The following OSBPL3 variants were observed in gnomAD, a reference collection of about 807,000 sequenced individuals.
OSBPL3 encodes oxysterol binding protein like 3.
OSBPL3 carries 65 observed loss-of-function variants against 120.1 expected under a neutral mutation model. That is an observed-to-expected ratio of 0.54 (90% confidence interval 0.44 to 0.67). The LOEUF is 0.67. Among genes scored for constraint, OSBPL3 ranks in the 30% least tolerant of loss-of-function variants. The pLI is 0.00. For missense variants in OSBPL3, 1,004 were observed against 1,082.1 expected (o/e 0.93, Z 1.01); for synonymous variants, 416 against 402.6 (o/e 1.03, Z -0.40).
chr7:24,923,091 A>G (rs2128452441), intron 1 of OSBPL3, among the ~76,000 whole-genome samples: 1 of 152,326 alleles, frequency 6.6e-6, no homozygotes, highest in East Asian at 1.9e-4. Context: ...AATCTTCCTC[A>G]GTTCAGAACA....
Position 24,896,683 on chromosome 7 carries a change from T to C in OSBPL3, c.-149-4062A>G, listed in dbSNP as rs1397128348. On this transcript the variant is annotated intron_variant, in intron 1 of 22. Coordinates refer to ENST00000313367, the MANE Select transcript of OSBPL3 (RefSeq NM_015550.4). This position sits in a 1 kb window ranked among gnomAD's most constrained non-coding sequence, Gnocchi z 4.4. Reference sequence around the variant, plus strand: ...CTAGGTTTGAATTGGTGTTTCCTTATTACAAACTCTGTGCACCTTGACAAA... The same window carrying C: ...CTAGGTTTGAATTGGTGTTTCCTTACTACAAACTCTGTGCACCTTGACAAA... Among the ~76,000 whole-genome samples the C allele has an allele frequency of 6.6e-6, 1 of 152,206 alleles. No homozygotes were observed. The highest frequency in any genetic ancestry group is 1.5e-5 in the Non-Finnish European group (1 of 68,040).
rs886685141 is a variant in OSBPL3, at chr7:24,827,435, AC to A, written c.1884+3332del. On this transcript the variant is annotated intron_variant, in intron 16 of 22. Coordinates refer to ENST00000313367, the MANE Select transcript of OSBPL3 (RefSeq NM_015550.4). The surrounding 1 kb of genome is among the most constrained non-coding windows in gnomAD (Gnocchi z 5.1). ...CCAGGGAAAGGGAGGCCCTGGCCCT[AC>A]ACCCTTCCCACTTCTAGGGCAGAGG... 2.0e-5 allele frequency among the ~76,000 whole-genome samples: 3 copies of A among 152,224 alleles called. No homozygotes were observed. The highest frequency in any genetic ancestry group is 2.0e-4 in the Admixed American group (3 of 15,290).
chr7:24,955,455 G>A lies in OSBPL3; in HGVS notation c.-150+24431C>T, dbSNP rs1814926458. On this transcript the variant is annotated intron_variant, in intron 1 of 22. Coordinates refer to ENST00000313367, the MANE Select transcript of OSBPL3 (RefSeq NM_015550.4). The surrounding 1 kb of genome is among the most constrained non-coding windows in gnomAD (Gnocchi z 4.3). ...CTGCTCTCACAGAGCTTCCATTCTAGTGATTCTCCCTGGCTGTTCTGTGGA... is the reference window on the plus strand; with the variant it reads ...CTGCTCTCACAGAGCTTCCATTCTAATGATTCTCCCTGGCTGTTCTGTGGA... Among the ~76,000 whole-genome samples the A allele has an allele frequency of 6.6e-6, 1 of 152,220 alleles. No individual in the cohort carries two copies. The highest frequency in any genetic ancestry group is 2.4e-5 in the African/African-American group (1 of 41,466).
At position 24,959,032 on chromosome 7, in the gene OSBPL3, T is replaced by G. The variant is rs912852054; in HGVS notation, c.-150+20854A>C. On this transcript the variant is annotated intron_variant, in intron 1 of 22. Transcript: ENST00000313367. The surrounding 1 kb of genome is among the most constrained non-coding windows in gnomAD (Gnocchi z 4.3). ...AGACTTCTTTTCTATAATCCATGAA[T>G]TGTAAGTTTTAAACATTCACTAGAA... Among the ~76,000 whole-genome samples the G allele has an allele frequency of 1.3e-5, 2 of 152,178 alleles. No individual in the cohort carries two copies. The highest frequency in any genetic ancestry group is 6.5e-5 in the Admixed American group (1 of 15,280).
rs371669375 is a variant in OSBPL3, at chr7:24,978,922, C to T, written c.-150+964G>A. On this transcript the variant is annotated intron_variant, in intron 1 of 22. Transcript: ENST00000313367. Reference sequence around the variant, plus strand: ...GCACAAGTGTGCAGAAGGCAGCAAGCAAGTTGCGTTGCCGAAGGAAGGGCG... The same window carrying T: ...GCACAAGTGTGCAGAAGGCAGCAAGTAAGTTGCGTTGCCGAAGGAAGGGCG... Among the ~76,000 whole-genome samples, 9 of 152,334 alleles carry T rather than the reference C, an allele frequency of 5.9e-5. No individual in the cohort carries two copies. The East Asian group carries it at 1.4e-3, about 23-fold the overall frequency.
chr7:24,901,891 C>T (rs1311972508), intron 1 of OSBPL3, among the ~76,000 whole-genome samples: 1 of 152,230 alleles, frequency 6.6e-6, no homozygotes, highest in African/African-American at 2.4e-5. Context: ...AGGAGTATAA[C>T]CATGACCTAC....
At chr7:24,975,263 G>T (rs574024701) in intron 1 of OSBPL3, among the ~76,000 whole-genome samples, 2 of 152,294 alleles carry the variant, frequency 1.3e-5, no homozygotes, top group East Asian at 3.9e-4. Context: ...AGATCTCCTT[G>T]CAATATCTCC....
chr7:24,868,791 C>T (rs540602516), intron 5 of OSBPL3, among the ~76,000 whole-genome samples: 56 of 152,334 alleles, frequency 3.7e-4, no homozygotes, highest in African/African-American at 1.3e-3. Context: ...AGGAATTTTA[C>T]AGGAATCTTG....
intron 5 of OSBPL3, among the ~76,000 whole-genome samples, chr7:24,869,828 G>GCCAC (rs1281477733): frequency 1.3e-5 from 2 of 152,174 alleles, no homozygotes; most frequent in African/African-American, 4.8e-5. Context: ...AGAGGACAGG[G>GCCAC]ACACATTAAG....
chr7:24,876,536 T>G (rs1436491842), intron 2 of OSBPL3, among the ~76,000 whole-genome samples: 1 of 152,112 alleles, frequency 6.6e-6, no homozygotes, highest in Non-Finnish European at 1.5e-5. Flanking sequence ...GTACTAAGTA[T>G]ATATTTAGTA....
At position 24,819,788 on chromosome 7, in the gene OSBPL3, A is replaced by AAATTTTAGG. The variant is rs1794897606; in HGVS notation, c.1948+378_1948+386dup. 6.6e-6 allele frequency among the ~76,000 whole-genome samples: 1 copy of AAATTTTAGG among 152,214 alleles called. No individual in the cohort carries two copies. Among genetic ancestry groups the AAATTTTAGG allele is most frequent in the South Asian group, 2.1e-4 (1 of 4,830 alleles). ...CCCAACTCAAAATATAAACTGAACA[A>AAATTTTAGG]AATTTTAGGAACAATCATCTCAAAA... On this transcript the variant is annotated intron_variant, in intron 17 of 22. Transcript: ENST00000313367. The surrounding 1 kb of genome is among the most constrained non-coding windows in gnomAD (Gnocchi z 4.1).
Position 24,947,848 on chromosome 7 carries a change from T to G in OSBPL3, c.-150+32038A>C, listed in dbSNP as rs191236839. On this transcript the variant is annotated intron_variant, in intron 1 of 22. Coordinates refer to ENST00000313367, the MANE Select transcript of OSBPL3 (RefSeq NM_015550.4). This position sits in a 1 kb window ranked among gnomAD's most constrained non-coding sequence, Gnocchi z 4.4. ...CCCATGTGCCAGATTCTGTGATCGG[T>G]GTTGGTAATTTGACACTGTACAGGG... Among the ~76,000 whole-genome samples the G allele has an allele frequency of 9.2e-5, 14 of 151,954 alleles. No individual in the cohort carries two copies. In the East Asian group the frequency reaches 1.9e-3, roughly 21 times the overall value.
chr7:24,922,030 A>T lies in OSBPL3; in HGVS notation c.-149-29409T>A, dbSNP rs182372971. Among the ~76,000 whole-genome samples the T allele has an allele frequency of 6.6e-6, 1 of 152,364 alleles. No individual in the cohort carries two copies. The highest frequency in any genetic ancestry group is 6.5e-5 in the Admixed American group (1 of 15,308). On this transcript the variant is annotated intron_variant, in intron 1 of 22. Transcript: ENST00000313367. This position sits in a 1 kb window ranked among gnomAD's most constrained non-coding sequence, Gnocchi z 4.3. ...TCTCACGTCCAGCCAAGAGGCTGGT[A>T]CACAGCAGCCACCTCAAAAACGCTT...
chr7:24,969,948 C>CTGAT (rs1185340697), intron 1 of OSBPL3, among the ~76,000 whole-genome samples: 2 of 152,088 alleles, frequency 1.3e-5, no homozygotes, highest in Non-Finnish European at 2.9e-5. Flanking sequence ...CACTTGGGCC[C>CTGAT]TAATCTACCT....
chr7:24,798,034 G>C lies in OSBPL3; in HGVS notation c.*2149C>G, dbSNP rs755761627. On this transcript the variant is annotated 3_prime_UTR_variant, in exon 23 of 23. Transcript: ENST00000313367. This position sits in a 1 kb window ranked among gnomAD's most constrained non-coding sequence, Gnocchi z 4.6. Reference sequence around the variant, plus strand: ...TTAAATTTCAGAAAAGCCCTTTATAGATGCTAGTACTGACTAGATTTTAAA... The same window carrying C: ...TTAAATTTCAGAAAAGCCCTTTATACATGCTAGTACTGACTAGATTTTAAA... The C allele has an allele frequency of 6.6e-6, 1 of 152,166 alleles. No individual in the cohort carries two copies. Among genetic ancestry groups the C allele is most frequent in the Non-Finnish European group, 1.5e-5 (1 of 68,034 alleles). 9.4% of individuals were successfully genotyped at this position (152,166 alleles called of 1,614,324 possible). A position where few individuals can be genotyped will look rare whatever the true frequency, so the allele number is the denominator to read the frequency against.
rs887666373 is a variant in OSBPL3 at position 24,896,102 on chromosome 7, G to A, written c.-149-3481C>T. ...GACTTGCCCCAGCTTACAGGAACAG[G>A]TTTTATGGCTACTTTGGTGCATTCT... On this transcript the variant is annotated intron_variant, in intron 1 of 22. Transcript: ENST00000313367. The surrounding 1 kb of genome is among the most constrained non-coding windows in gnomAD (Gnocchi z 4.4). Among the ~76,000 whole-genome samples, 1 of 152,176 alleles carries A rather than the reference G, an allele frequency of 6.6e-6. No homozygotes were observed. Among genetic ancestry groups the A allele is most frequent in the Admixed American group, 6.5e-5 (1 of 15,278 alleles).
At position 24,953,271 on chromosome 7, in the gene OSBPL3, G is replaced by A. The variant is rs186204111; in HGVS notation, c.-150+26615C>T. 1.1e-4 allele frequency among the ~76,000 whole-genome samples: 17 copies of A among 152,168 alleles called. No individual in the cohort carries two copies. The highest frequency in any genetic ancestry group is 1.0e-3 in the Admixed American group (16 of 15,284). On this transcript the variant is annotated intron_variant, in intron 1 of 22. Coordinates refer to ENST00000313367, the MANE Select transcript of OSBPL3 (RefSeq NM_015550.4). This position sits in a 1 kb window ranked among gnomAD's most constrained non-coding sequence, Gnocchi z 4.3. ...CCATCTATAGTTCAATTCTCAATAT[G>A]CCATCATTTGTCAGCTCTGCCAAGG...
In OSBPL3 at chr7:24,942,484, C is replaced by T. The variant is rs540789221; in HGVS notation, c.-150+37402G>A. On this transcript the variant is annotated intron_variant, in intron 1 of 22. Transcript: ENST00000313367. ...CTGTCATGGTAATCCATGCATTCCA[C>T]GCTGATCACCAGCAGAATAGGGAAT... 1.4e-4 allele frequency among the ~76,000 whole-genome samples: 22 copies of T among 152,270 alleles called. 1 individual carries two copies. In the South Asian group the frequency reaches 3.1e-3, roughly 22 times the overall value.
intron 20 of OSBPL3, among the ~76,000 whole-genome samples, chr7:24,809,525 G>A (rs1038730609): frequency 5.9e-5 from 9 of 152,168 alleles, no homozygotes; most frequent in African/African-American, 2.2e-4. Flanking sequence ...AGTTATGCAT[G>A]TGGACTGCCA....
Sources: gnomAD v4.1 joint callset for allele counts (sites outside exome capture counted in the v4.1 genomes callset) on GRCh38, gnomAD v4.1.1 for gene constraint, Gnocchi (gnomAD v3.1) non-coding constraint, MANE v1.5 for transcripts, NCBI Gene and HGNC (gene_info 2026-07-23, HGNC 2026-07-21) for gene names.